Variants in ADGRL4 observed in about 807,000 individuals in gnomAD.
ADGRL4 encodes adhesion G protein-coupled receptor L4.
Under a neutral mutation model 74.8 loss-of-function variants are expected in ADGRL4, and 90 were observed. The observed-to-expected ratio is 1.20, with a 90% CI of 1.02 to 1.43. The LOEUF (loss-of-function observed/expected upper bound fraction) is 1.43. ADGRL4 is among the 40% of genes most tolerant of loss of function. The pLI, the probability that ADGRL4 is intolerant of heterozygous loss-of-function variation, is 0.00. For synonymous variants in ADGRL4, 311 were observed against 279.2 expected (o/e 1.11, Z -1.14); for missense variants, 881 against 814.3 (o/e 1.08, Z -1.00).
intron 8 of ADGRL4, among the ~76,000 whole-genome samples, chr1:78,924,315 T>A (rs534758824): frequency 6.6e-6 from 1 of 152,166 alleles, no homozygotes; most frequent in African/African-American, 2.4e-5. Context: ...AATCTGATAA[T>A]GCAAGAGCTT....
chr1:78,994,090 T>G (rs2100736890), intron 2 of ADGRL4, among the ~76,000 whole-genome samples: 1 of 152,278 alleles, frequency 6.6e-6, no homozygotes, highest in East Asian at 1.9e-4. Flanking sequence ...CCTGAAAATG[T>G]TCACAAAAGC....
chr1:78,957,321 T>C (rs758031270), intron 2 of ADGRL4, among the ~76,000 whole-genome samples: 4 of 152,086 alleles, frequency 2.6e-5, no homozygotes, highest in Non-Finnish European at 4.4e-5. Flanking sequence ...TAATTAAGCA[T>C]AGTGAGGAAG....
intron 9 of ADGRL4, 82 bp downstream of exon 9, chr1:78,921,531 A>G (rs189751136): frequency 2.2e-6 from 2 of 909,146 alleles, no homozygotes; most frequent in African/African-American, 3.5e-5. Context: ...AAATATATAA[A>G]AAATTAAATA....
At chr1:78,992,545 C>T (rs116121468) in intron 2 of ADGRL4, among the ~76,000 whole-genome samples, 93 of 152,158 alleles carry the variant, frequency 6.1e-4, no homozygotes, top group African/African-American at 2.0e-3. Context: ...TATAGTCCAA[C>T]AGCCATGAAA....
chr1:78,902,313 A>G (rs1447833789), intron 12 of ADGRL4, among the ~76,000 whole-genome samples: 1 of 152,168 alleles, frequency 6.6e-6, no homozygotes. Flanking sequence ...TGTGCCAGAT[A>G]TTGTTCCAAG....
intron 2 of ADGRL4, among the ~76,000 whole-genome samples, chr1:78,975,968 A>C (rs1650269210): frequency 6.6e-6 from 1 of 152,018 alleles, no homozygotes; most frequent in Non-Finnish European, 1.5e-5. Context: ...AACAGTCATC[A>C]AAAAACAGTA....
chr1:78,965,764 C>T (rs1464570254), intron 2 of ADGRL4, among the ~76,000 whole-genome samples: 1 of 151,984 alleles, frequency 6.6e-6, no homozygotes, highest in African/African-American at 2.4e-5. Flanking sequence ...TGACATTGCC[C>T]CCATTTTATA....
chr1:78,921,914 T>C (rs1193347658), intron 8 of ADGRL4, 128 bp from the exon 9 acceptor site: 1 of 458,866 alleles, frequency 2.2e-6, no homozygotes, highest in Non-Finnish European at 3.7e-6. Flanking sequence ...AAACAAATTA[T>C]AACAAAGGCT....
intron 2 of ADGRL4, among the ~76,000 whole-genome samples, chr1:78,996,337 T>TCAGCTAATA (rs1386164043): frequency 2.0e-5 from 2 of 101,656 alleles, no homozygotes; most frequent in African/African-American, 7.6e-5. Context: ...TGATGTTAAG[T>TCAGCTAATA]CAGCTAATAT....
At chr1:78,959,889 T>C (rs149508315) in intron 2 of ADGRL4, among the ~76,000 whole-genome samples, 1 of 152,034 alleles carries the variant, frequency 6.6e-6, no homozygotes, top group South Asian at 2.1e-4. Flanking sequence ...AGGTTCAGAG[T>C]TCTATCAAAA....
At chr1:78,921,508 C>A in intron 9 of ADGRL4, 105 bp downstream of exon 9, 1 of 697,714 alleles carries the variant, frequency 1.4e-6, no homozygotes, top group Non-Finnish European at 2.1e-6. Context: ...AATGTGCTAT[C>A]TAAACCCAAG....
At chr1:78,979,444 C>T (rs951624785) in intron 2 of ADGRL4, among the ~76,000 whole-genome samples, 8 of 151,842 alleles carry the variant, frequency 5.3e-5, no homozygotes, top group African/African-American at 1.2e-4. Flanking sequence ...AGCCATTAAA[C>T]GTATTGCTTC....
intron 2 of ADGRL4, among the ~76,000 whole-genome samples, chr1:78,955,227 A>G (rs1649804987): frequency 6.6e-6 from 1 of 152,036 alleles, no homozygotes; most frequent in Admixed American, 6.6e-5. Context: ...CATGACATTT[A>G]TTTTGTGTTC....
At chr1:78,972,051 G>C (rs12022724) in intron 2 of ADGRL4, among the ~76,000 whole-genome samples, 1 of 152,178 alleles carries the variant, frequency 6.6e-6, no homozygotes, top group East Asian at 1.9e-4. Flanking sequence ...CACCGTGCCC[G>C]GCCAGGATTA....
chr1:78,905,956 G>C (rs12021727), intron 12 of ADGRL4, among the ~76,000 whole-genome samples: 37,019 of 151,728 alleles, frequency 0.24, 4,625 homozygotes, highest in East Asian at 0.33. Context: ...CAGAAACTAA[G>C]AAATATAGCT....
chr1:78,931,224 A>G (rs891029223), intron 7 of ADGRL4, among the ~76,000 whole-genome samples: 21 of 150,566 alleles, frequency 1.4e-4, no homozygotes, highest in African/African-American at 5.2e-4. Flanking sequence ...CAGACTAAGA[A>G]TGGACCTCTC....
intron 2 of ADGRL4, among the ~76,000 whole-genome samples, chr1:78,984,902 T>C (rs1650463450): frequency 6.6e-6 from 1 of 151,510 alleles, no homozygotes; most frequent in South Asian, 2.1e-4. Flanking sequence ...AGCAATAACA[T>C]GCAGATAAAA....
intron 2 of ADGRL4, among the ~76,000 whole-genome samples, chr1:78,994,442 C>T (rs951138256): frequency 1.3e-5 from 2 of 152,116 alleles, no homozygotes; most frequent in Admixed American, 6.5e-5. Flanking sequence ...CCAGAATTGT[C>T]GCATTTTGCA....
intron 12 of ADGRL4, among the ~76,000 whole-genome samples, chr1:78,902,042 G>A (rs1648531942): frequency 6.6e-6 from 1 of 152,038 alleles, no homozygotes; most frequent in South Asian, 2.1e-4. Flanking sequence ...CACAAAAGGA[G>A]AAAAATTTTA....
Sources: allele counts gnomAD v4.1 joint callset (sites outside exome capture counted in the v4.1 genomes callset), GRCh38; gene constraint gnomAD v4.1.1; transcripts MANE v1.5; gene names NCBI Gene and HGNC (gene_info 2026-07-23, HGNC 2026-07-21).